Variants in CLASP1 observed in about 807,000 individuals in gnomAD.
The protein encoded by CLASP1 is CLIP-associating protein 1.
Under a neutral mutation model 192.3 loss-of-function variants are expected in CLASP1, and 38 were observed. The ratio of observed to expected loss-of-function variants is 0.20; its 90% confidence interval spans 0.15 to 0.26. The LOEUF (loss-of-function observed/expected upper bound fraction) is 0.26, where lower values mean the gene tolerates loss of function less well. Among genes scored for constraint, CLASP1 ranks in the 10% least tolerant of loss-of-function variants. The pLI is 1.00. For missense variants in CLASP1, 1,433 were observed against 1,932.5 expected (o/e 0.74, Z 4.85); for synonymous variants, 691 against 712.8 (o/e 0.97, Z 0.49).
At position 121,340,531 on chromosome 2, in the gene CLASP1, T is replaced by C. The variant is rs567978357; in HGVS notation, c.*330A>G. Reference sequence around the variant, plus strand: ...AAAAAAAATGCTACTTTCTACCAAGTAGTGGCTAGAGCGCTCTGATTTTTA... The same window carrying C: ...AAAAAAAATGCTACTTTCTACCAAGCAGTGGCTAGAGCGCTCTGATTTTTA... On this transcript the variant is annotated 3_prime_UTR_variant, in exon 40 of 40. Coordinates refer to ENST00000263710, the Ensembl canonical transcript of CLASP1. The C allele has an allele frequency of 1.0e-4, 24 of 234,144 alleles. No individual in the cohort carries two copies. The Admixed American group carries it at 1.1e-3, about 11-fold the overall frequency. 14.5% of individuals were successfully genotyped at this position (234,144 alleles called of 1,614,324 possible).
intron 8 of CLASP1, chr2:121,490,360 A>G: frequency 2.3e-6 from 1 of 439,570 alleles, no homozygotes; most frequent in Non-Finnish European, 4.5e-6. Flanking sequence ...CAACTTAAGC[A>G]TCAGCAAACT....
chr2:121,444,865 C>G (rs1246944567), intron 19 of CLASP1: 1 of 994,602 alleles, frequency 1.0e-6, no homozygotes, highest in Non-Finnish European at 1.4e-6. Flanking sequence ...CAAGTGGGTA[C>G]TGGGCAACAC....
In CLASP1 at chr2:121,558,598, C is replaced by T. The variant is rs144912395; in HGVS notation, c.196-28273G>A. Among the ~76,000 whole-genome samples the T allele has an allele frequency of 7.6e-4, 115 of 152,192 alleles. 1 individual carries two copies. The highest frequency in any genetic ancestry group is 2.6e-3 in the African/African-American group (109 of 41,516). ...CACAGCCCCTCACCATGTAATAACC[C>T]GCACCACCTCGGGACTCTGCAGAAA... On this transcript the variant is annotated intron_variant, in intron 2 of 39. Transcript: ENST00000263710.
chr2:121,412,512 T>C (rs563555891), intron 23 of CLASP1, among the ~76,000 whole-genome samples: 12 of 152,004 alleles, frequency 7.9e-5, no homozygotes, highest in Non-Finnish European at 1.5e-4. Flanking sequence ...GTAGGAGACT[T>C]ATGAGTAACA....
chr2:121,538,576 A>C (rs1282777944), intron 2 of CLASP1, among the ~76,000 whole-genome samples: 1 of 152,066 alleles, frequency 6.6e-6, no homozygotes, highest in Non-Finnish European at 1.5e-5. Flanking sequence ...TCACGAGGTC[A>C]GGAGATGGAG....
rs1339778973 is a variant in CLASP1, at chr2:121,610,838, A to G, written c.-285-4658T>C. Among the ~76,000 whole-genome samples the G allele has an allele frequency of 4.7e-3, 674 of 141,976 alleles. 5 individuals are homozygous for G. Among genetic ancestry groups the G allele is most frequent in the African/African-American group, 7.6e-3 (281 of 36,882 alleles). 93.1% of individuals were successfully genotyped at this position (141,976 alleles called of 152,430 possible). A position where few individuals can be genotyped will look rare whatever the true frequency, so the allele number is the denominator to read the frequency against. On this transcript the variant is annotated intron_variant, in intron 1 of 39. Transcript: ENST00000263710. ...CAGGAGGAAGAGTTACAGGAGGAAGAGGAACTGGAGGAGGAGGAGGAGTTA... is the reference window on the plus strand; with the variant it reads ...CAGGAGGAAGAGTTACAGGAGGAAGGGGAACTGGAGGAGGAGGAGGAGTTA...
chr2:121,494,092 T>C (rs1239250946), intron 8 of CLASP1, among the ~76,000 whole-genome samples: 3 of 152,202 alleles, frequency 2.0e-5, no homozygotes, highest in African/African-American at 4.8e-5. Flanking sequence ...GCAATCCCAC[T>C]GCTAGGTATG....
exon 40 of CLASP1, chr2:121,340,646 T>A (rs939776731): frequency 1.9e-6 from 1 of 532,076 alleles, no homozygotes; most frequent in African/African-American, 1.9e-5. Context: ...TTATTCCTTT[T>A]GTTTTGTATG....
chr2:121,518,126 G>A (rs2094361761), intron 6 of CLASP1, among the ~76,000 whole-genome samples: 1 of 150,318 alleles, frequency 6.7e-6, no homozygotes, highest in African/African-American at 2.5e-5. Context: ...AGCTACTTGG[G>A]AGGCTGAGGT....
Position 121,457,654 on chromosome 2 carries a change from TC to T in CLASP1, c.1385+32del, listed in dbSNP as rs776518166. 30 of 1,553,290 alleles carry T rather than the reference TC, an allele frequency of 1.9e-5. 1 individual carries two copies. In the South Asian group the frequency reaches 2.9e-4, roughly 15 times the overall value. ...GAATTTGTTTTGGTTTTTAAACAAT[TC>T]AAAAACAATGAGAAAATCCTTTAAA... is the stretch of plus-strand genomic sequence containing the variant. On this transcript the variant is annotated intron_variant, in intron 14 of 39. Transcript: ENST00000263710.
At chr2:121,462,844 C>A (rs1442894295) in intron 9 of CLASP1, among the ~76,000 whole-genome samples, 1 of 152,038 alleles carries the variant, frequency 6.6e-6, no homozygotes, top group African/African-American at 2.4e-5. Flanking sequence ...ACTTAGACTA[C>A]CTGTTTAAGC....
At chr2:121,340,451 G>A in exon 40 of CLASP1, 1 of 169,774 alleles carries the variant, frequency 5.9e-6, no homozygotes, top group Non-Finnish European at 1.3e-5. Flanking sequence ...ATAGGCTAAG[G>A]AGGAAGAACA....
intron 2 of CLASP1, among the ~76,000 whole-genome samples, chr2:121,586,442 G>C (rs1170529976): frequency 6.6e-6 from 1 of 151,856 alleles, no homozygotes; most frequent in Non-Finnish European, 1.5e-5. Flanking sequence ...TCTTTAAAAA[G>C]AAAGAAAAAT....
In CLASP1 at chr2:121,516,049, A is replaced by T. The variant is rs539330419; in HGVS notation, c.547-287T>A. On this transcript the variant is annotated intron_variant, in intron 6 of 39. Coordinates refer to ENST00000263710, the Ensembl canonical transcript of CLASP1. ...CTTTAAGGTAATTTTGGAAAACTGGAATTTTCAGACCATCTTTCCAAATTA... is the reference window on the plus strand; with the variant it reads ...CTTTAAGGTAATTTTGGAAAACTGGTATTTTCAGACCATCTTTCCAAATTA... Among the ~76,000 whole-genome samples, 5 of 152,344 alleles carry T rather than the reference A, an allele frequency of 3.3e-5. No homozygotes were observed. In the South Asian group the frequency reaches 1.0e-3, roughly 32 times the overall value.
intron 6 of CLASP1, among the ~76,000 whole-genome samples, chr2:121,524,649 G>T (rs1263284448): frequency 1.3e-5 from 2 of 152,022 alleles, no homozygotes; most frequent in African/African-American, 4.8e-5. Flanking sequence ...TAGAGATGGG[G>T]TTTCACCATG....
intron 25 of CLASP1, among the ~76,000 whole-genome samples, chr2:121,406,700 C>T (rs141046279): frequency 4.7e-4 from 72 of 152,300 alleles, no homozygotes; most frequent in Middle Eastern, 3.4e-3. Context: ...TGTGATCCTC[C>T]TGCCTCAGCC....
chr2:121,365,754 T>TC (rs1421926306), intron 35 of CLASP1, among the ~76,000 whole-genome samples: 1 of 152,164 alleles, frequency 6.6e-6, no homozygotes, highest in African/African-American at 2.4e-5. Flanking sequence ...CATCTGATTA[T>TC]CCTCCATTCC....
intron 2 of CLASP1, among the ~76,000 whole-genome samples, chr2:121,563,022 T>A (rs1466831283): frequency 6.6e-6 from 1 of 152,156 alleles, no homozygotes; most frequent in Non-Finnish European, 1.5e-5. Context: ...CTCCTGGGGT[T>A]GGGGATGGGC....
chr2:121,384,082 A>AT (rs1441072394), intron 32 of CLASP1, among the ~76,000 whole-genome samples: 1 of 137,922 alleles, frequency 7.3e-6, no homozygotes, highest in Non-Finnish European at 1.6e-5. Flanking sequence ...ACACACATAT[A>AT]TATGTATATA....
Sources: gnomAD v4.1 joint callset for allele counts (sites outside exome capture counted in the v4.1 genomes callset) on GRCh38, gnomAD v4.1.1 for gene constraint, MANE v1.5 for transcripts, NCBI Gene and HGNC (gene_info 2026-07-23, HGNC 2026-07-21) for gene names.